The following CTNNA3 variants were observed in gnomAD, a reference collection of about 807,000 sequenced individuals.
CTNNA3 encodes catenin alpha-3.
In CTNNA3, 76 loss-of-function variants were observed where a neutral mutation model predicts 95.7. The ratio of observed to expected loss-of-function variants is 0.79; its 90% CI spans 0.66 to 0.96. CTNNA3 has a LOEUF of 0.96. Among genes scored for constraint, CTNNA3 ranks in the 40% least tolerant of loss-of-function variants. The pLI is 0.00. For missense variants in CTNNA3, 1,191 were observed against 1,089.8 expected (o/e 1.09, Z -1.31); for synonymous variants, 431 against 374.4 (o/e 1.15, Z -1.74).
At chr10:67,310,524 A>T (rs1194006795) in intron 5 of CTNNA3, among the ~76,000 whole-genome samples, 1 of 152,238 alleles carries the variant, frequency 6.6e-6, no homozygotes, top group East Asian at 1.9e-4. Flanking sequence ...TTACCATATT[A>T]GTCCGTTCTC....
rs550422021 is a variant in CTNNA3 at position 65,993,512 on chromosome 10, T to C, written c.2160-4715A>G. Among the ~76,000 whole-genome samples the C allele has an allele frequency of 8.7e-4, 132 of 152,228 alleles. 1 individual carries two copies. Among genetic ancestry groups the C allele is most frequent in the Admixed American group, 2.0e-4 (3 of 15,280 alleles). ...TTAATATAATGACCTTCATTGTCTC[T>C]TTTTTACTGTTTTTGACTTAAAAAT... On this transcript the variant is annotated intron_variant, in intron 15 of 17. Transcript: ENST00000433211.
intron 11 of CTNNA3, among the ~76,000 whole-genome samples, chr10:66,462,785 G>C (rs1372020297): frequency 1.3e-5 from 2 of 151,952 alleles, no homozygotes; most frequent in Non-Finnish European, 2.9e-5. Flanking sequence ...GTATCATCAA[G>C]GTATCACATA....
chr10:67,158,122 A>G (rs1211740623), intron 7 of CTNNA3, among the ~76,000 whole-genome samples: 2 of 152,076 alleles, frequency 1.3e-5, no homozygotes, highest in African/African-American at 4.8e-5. Context: ...TGACCAGTGG[A>G]CAGGTAGTTG....
chr10:67,221,765 G>A (rs888832777), intron 5 of CTNNA3, among the ~76,000 whole-genome samples: 11 of 151,922 alleles, frequency 7.2e-5, no homozygotes, highest in African/African-American at 1.2e-4. Context: ...TAATAGGGAC[G>A]GGGTTTCATC....
intron 9 of CTNNA3, among the ~76,000 whole-genome samples, chr10:66,722,252 C>A (rs1027386141): frequency 2.0e-5 from 3 of 151,918 alleles, no homozygotes; most frequent in African/African-American, 7.3e-5. Context: ...GTGGCAGGTG[C>A]CTGTAGTCCC....
At chr10:67,684,839 C>G (rs1840699719) in intron 1 of CTNNA3, among the ~76,000 whole-genome samples, 1 of 152,082 alleles carries the variant, frequency 6.6e-6, no homozygotes, top group African/African-American at 2.4e-5. Context: ...GTCATGGGAC[C>G]TAGAAAAGGG....
chr10:67,763,516 A>G (rs907227360), exon 1 of CTNNA3, among the ~76,000 whole-genome samples: 1 of 152,210 alleles, frequency 6.6e-6, no homozygotes, highest in Non-Finnish European at 1.5e-5. Flanking sequence ...CATTATGAGA[A>G]GGGCAGTGGG....
At chr10:66,572,246 G>A (rs1000459480) in intron 10 of CTNNA3, among the ~76,000 whole-genome samples, 3 of 151,524 alleles carry the variant, frequency 2.0e-5, no homozygotes, top group African/African-American at 4.9e-5. Flanking sequence ...AGCTGGGTGT[G>A]GGGGCACGTG....
At chr10:66,371,490 A>G (rs1589153334) in intron 12 of CTNNA3, among the ~76,000 whole-genome samples, 1 of 152,116 alleles carries the variant, frequency 6.6e-6, no homozygotes, top group African/African-American at 2.4e-5. Context: ...GGTTTCATAA[A>G]CCATCTAAAA....
At chr10:66,098,917 T>C in intron 14 of CTNNA3, 1 of 152,238 alleles carries the variant, frequency 6.6e-6, no homozygotes, top group Middle Eastern at 3.2e-3. Flanking sequence ...TAATATTTTG[T>C]TCTCATTGAC....
intron 5 of CTNNA3, among the ~76,000 whole-genome samples, chr10:67,505,319 A>T (rs1329738161): frequency 6.6e-6 from 1 of 152,246 alleles, no homozygotes; most frequent in African/African-American, 2.4e-5. Context: ...ATTCTCAATG[A>T]CTTTAACATT....
intron 3 of CTNNA3, among the ~76,000 whole-genome samples, chr10:67,568,522 C>CAT (rs1316038296): frequency 2.0e-5 from 3 of 150,948 alleles, no homozygotes; most frequent in African/African-American, 2.4e-5. Flanking sequence ...CACACACACA[C>CAT]ATATATATAT....
At position 66,373,991 on chromosome 10, in the gene CTNNA3, A is replaced by G. The variant is rs558011164; in HGVS notation, c.1732+5161T>C. ...TCCTTTGACACAGCCCACTGTTTCC[A>G]GGGGTTGTTTTCCTCCTGAATTGGG... On this transcript the variant is annotated intron_variant, in intron 12 of 17. Transcript: ENST00000433211. Among the ~76,000 whole-genome samples the G allele has an allele frequency of 5.9e-5, 9 of 152,332 alleles. 1 individual carries two copies. The South Asian group carries it at 1.9e-3, about 32-fold the overall frequency.
chr10:67,339,909 G>A (rs775144124), intron 5 of CTNNA3, among the ~76,000 whole-genome samples: 6 of 152,034 alleles, frequency 3.9e-5, no homozygotes, highest in African/African-American at 7.2e-5. Context: ...GCCAATATAC[G>A]ACCAAAAATA....
intron 9 of CTNNA3, among the ~76,000 whole-genome samples, chr10:66,722,815 G>A (rs773833454): frequency 1.3e-5 from 2 of 152,044 alleles, no homozygotes; most frequent in Non-Finnish European, 2.9e-5. Flanking sequence ...ATCTGTCCTG[G>A]GGTTGTGGCG....
At chr10:67,341,719 G>T (rs1192171726) in intron 5 of CTNNA3, among the ~76,000 whole-genome samples, 1 of 152,026 alleles carries the variant, frequency 6.6e-6, no homozygotes, top group East Asian at 1.9e-4. Flanking sequence ...CCTAGCAATG[G>T]GATTGCTGCA....
intron 7 of CTNNA3, among the ~76,000 whole-genome samples, chr10:66,930,254 A>G (rs1847299833): frequency 6.6e-6 from 1 of 152,166 alleles, no homozygotes; most frequent in South Asian, 2.1e-4. Context: ...CTTCAGAAAA[A>G]CATCTTAGTT....
At position 67,192,393 on chromosome 10, in the gene CTNNA3, T is replaced by C. The variant is rs1863158293; in HGVS notation, c.844-11873A>G. On this transcript the variant is annotated intron_variant, in intron 6 of 17. Coordinates refer to ENST00000433211, the MANE Select transcript of CTNNA3 (RefSeq NM_013266.4). ...ATATCTAAAATATAGTAGGAAGTCA[T>C]ACCACTCAATAACAATATAATAATA... Among the ~76,000 whole-genome samples the C allele has an allele frequency of 2.0e-5, 3 of 151,918 alleles. No individual in the cohort carries two copies. The South Asian group carries it at 6.2e-4, about 32-fold the overall frequency.
At chr10:66,532,120 T>C (rs1841486399) in intron 10 of CTNNA3, among the ~76,000 whole-genome samples, 1 of 152,158 alleles carries the variant, frequency 6.6e-6, no homozygotes, top group Non-Finnish European at 1.5e-5. Context: ...AAGCTATTCA[T>C]TAATTGCCAA....
Sources: allele counts gnomAD v4.1 joint callset (sites outside exome capture counted in the v4.1 genomes callset), GRCh38; gene constraint gnomAD v4.1.1; transcripts MANE v1.5; gene names NCBI Gene and HGNC (gene_info 2026-07-23, HGNC 2026-07-21).